Variants in LAMA2 observed in about 807,000 individuals in gnomAD.
LAMA2 encodes laminin subunit alpha-2.
A neutral mutation model predicts 364.8 loss-of-function variants in LAMA2; 269 were observed. That is an observed-to-expected ratio of 0.74 (90% CI 0.67 to 0.82). The LOEUF is 0.82. Ranked by LOEUF, LAMA2 falls within the 40% of genes least tolerant of loss-of-function variation. The pLI, the probability that LAMA2 is intolerant of heterozygous loss-of-function variation, is 0.00. For missense variants in LAMA2, 3,807 were observed against 3,873.2 expected (o/e 0.98, Z 0.45); for synonymous variants, 1,379 against 1,370.6 (o/e 1.01, Z -0.14).
At chr6:129,186,938 A>G (rs1781261910) in intron 10 of LAMA2, among the ~76,000 whole-genome samples, 1 of 151,816 alleles carries the variant, frequency 6.6e-6, no homozygotes, top group Non-Finnish European at 1.5e-5. Context: ...TGTCTTGTAT[A>G]TAGTAGTTCA....
At chr6:129,280,168 C>G in intron 18 of LAMA2, 21 bp downstream of exon 18, 1 of 1,455,520 alleles carries the variant, frequency 6.9e-7, no homozygotes, top group Non-Finnish European at 9.7e-7. Flanking sequence ...ACTACACTGT[C>G]TTGCAAAATG....
At chr6:129,115,120 A>G (rs1399107282) in intron 4 of LAMA2, among the ~76,000 whole-genome samples, 1 of 152,066 alleles carries the variant, frequency 6.6e-6, no homozygotes, top group Admixed American at 6.6e-5. Flanking sequence ...AAAACAACAC[A>G]GAAGCAAAAT....
intron 9 of LAMA2, among the ~76,000 whole-genome samples, chr6:129,168,848 T>G (rs1282599658): frequency 6.9e-6 from 1 of 144,040 alleles, no homozygotes; most frequent in Non-Finnish European, 1.5e-5. Flanking sequence ...CCTTGAGCAG[T>G]GGTTTGTAGT....
intron 3 of LAMA2, among the ~76,000 whole-genome samples, chr6:129,084,396 T>C (rs1486362794): frequency 1.3e-5 from 2 of 148,724 alleles, no homozygotes; most frequent in African/African-American, 5.0e-5. Flanking sequence ...GTCTGGTATA[T>C]TGTGTACTTT....
At chr6:129,478,600 G>A in intron 53 of LAMA2, 93 bp from the exon 54 acceptor site, 1 of 1,331,910 alleles carries the variant, frequency 7.5e-7, no homozygotes, top group Non-Finnish European at 1.1e-6. Flanking sequence ...GCCTGCATGT[G>A]TCTGCTCCAC....
intron 12 of LAMA2, among the ~76,000 whole-genome samples, chr6:129,227,961 T>A (rs1048398886): frequency 6.6e-6 from 1 of 152,176 alleles, no homozygotes; most frequent in Non-Finnish European, 1.5e-5. Flanking sequence ...ATCCTTGAGC[T>A]GCAGTGGGCT....
At chr6:129,414,620 T>C (rs1434114281) in intron 40 of LAMA2, among the ~76,000 whole-genome samples, 1 of 152,142 alleles carries the variant, frequency 6.6e-6, no homozygotes, top group Non-Finnish European at 1.5e-5. Flanking sequence ...ATAAAATCTG[T>C]TCTAAAATAA....
Position 129,143,926 on chromosome 6 carries a change from G to C in LAMA2, c.665G>C (p.Arg222Thr), listed in dbSNP as rs1267371641. 2 of 1,606,970 alleles carry C rather than the reference G, an allele frequency of 1.2e-6. No homozygotes were observed. Among genetic ancestry groups the C allele is most frequent in the Non-Finnish European group, 1.7e-6 (2 of 1,175,434 alleles). Reference sequence around the variant, plus strand: ...ATTCACATCTCTTTAATCAATGGGAGACCAAGTGCCGATGATCCTTCTCCA... The same window carrying C: ...ATTCACATCTCTTTAATCAATGGGACACCAAGTGCCGATGATCCTTCTCCA... ...GEIHISLING[R>T]PSADDPSPEL... is the part of the protein sequence containing the mutation. Residue 222 changes from arginine (R) to threonine (T), a missense_variant, in exon 5 of 65, where the codon AGA becomes ACA. Arg to Thr is a moderately conservative substitution (Grantham distance 71). Transcript: ENST00000421865.
intron 4 of LAMA2, among the ~76,000 whole-genome samples, chr6:129,130,669 G>T (rs1488800031): frequency 6.6e-6 from 1 of 152,190 alleles, no homozygotes; most frequent in Non-Finnish European, 1.5e-5. Flanking sequence ...AATATTCACT[G>T]GACTTACAGC....
rs538267529 is a variant in LAMA2 at position 129,436,511 on chromosome 6, T to A, written c.5969-2135T>A. 1.4e-4 allele frequency among the ~76,000 whole-genome samples: 21 copies of A among 152,312 alleles called. No individual in the cohort carries two copies. In the South Asian group the frequency reaches 3.7e-3, roughly 27 times the overall value. On this transcript the variant is annotated intron_variant, in intron 41 of 64. Coordinates refer to ENST00000421865, the MANE Select transcript of LAMA2 (RefSeq NM_000426.4). ...ATTTTTATTCCCCCCTCCTTTTTTT[T>A]ATTACAAATGAAGAGCTAATGAGTA...
In LAMA2 at chr6:129,342,399, T is replaced by C. The variant is rs758048573; in HGVS notation, c.4368T>C (p.Tyr1456=). ...GTGAACGATGTGCTCTTGGATACTA[T>C]GGAATTGTCAAGGGATTGCCAAATG... ...DFCERCALGY[Y]GIVKGLPNDC... Residue 1456 remains tyrosine (Y), a synonymous_variant, in exon 30 of 65, where the codon TAT becomes TAC. Transcript: ENST00000421865. 8 of 1,613,414 alleles carry C rather than the reference T, an allele frequency of 5.0e-6. No homozygotes were observed. In the East Asian group the frequency reaches 1.6e-4, roughly 31 times the overall value.
At chr6:129,275,239 AG>A (rs1788221222) in intron 17 of LAMA2, among the ~76,000 whole-genome samples, 1 of 152,004 alleles carries the variant, frequency 6.6e-6, no homozygotes, top group Non-Finnish European at 1.5e-5. Flanking sequence ...AGAATGCTCT[AG>A]ATGTTTTAGT....
chr6:129,132,914 A>C (rs1394295500), intron 4 of LAMA2, among the ~76,000 whole-genome samples: 1 of 152,238 alleles, frequency 6.6e-6, no homozygotes, highest in East Asian at 1.9e-4. Context: ...AAATTCACAC[A>C]GATAGTAAGT....
chr6:129,167,255 C>T (rs1057161464), intron 9 of LAMA2, among the ~76,000 whole-genome samples: 13 of 151,458 alleles, frequency 8.6e-5, no homozygotes, highest in African/African-American at 2.7e-4. Context: ...TGGTGCACTG[C>T]ACCCACTAAC....
intron 1 of LAMA2, among the ~76,000 whole-genome samples, chr6:128,917,708 TTC>T (rs1491018128): frequency 1.8e-5 from 2 of 110,080 alleles, no homozygotes; most frequent in African/African-American, 8.3e-5. Flanking sequence ...TCTTTTTTTT[TTC>T]TTTCTTTCTT....
At chr6:129,004,635 T>C (rs1196620555) in intron 1 of LAMA2, among the ~76,000 whole-genome samples, 1 of 152,144 alleles carries the variant, frequency 6.6e-6, no homozygotes, top group Non-Finnish European at 1.5e-5. Context: ...ATCAGTTGGG[T>C]AAATTGTAAA....
At chr6:129,070,329 G>T (rs1773229010) in intron 3 of LAMA2, among the ~76,000 whole-genome samples, 1 of 152,092 alleles carries the variant, frequency 6.6e-6, no homozygotes, top group Non-Finnish European at 1.5e-5. Flanking sequence ...GAATAAATGG[G>T]CTAAGTTGTA....
intron 22 of LAMA2, among the ~76,000 whole-genome samples, chr6:129,309,939 A>G (rs1442918663): frequency 1.2e-4 from 17 of 137,774 alleles, no homozygotes; most frequent in African/African-American, 4.0e-4. Context: ...TCGCTCTGTC[A>G]CCCAGGCTGG....
Position 129,267,355 on chromosome 6 carries a change from C to A in LAMA2, c.2322+136C>A, listed in dbSNP as rs150862292. The stretch of plus-strand genomic sequence containing the variant: ...CTTTGACAAAGATCTTTGTATTGAA[C>A]TGAATTGGAACTGAGAATGCTCTTT... On this transcript the variant is annotated intron_variant, in intron 16 of 64. Coordinates refer to ENST00000421865, the MANE Select transcript of LAMA2 (RefSeq NM_000426.4). 9.8e-4 allele frequency: 721 copies of A among 733,824 alleles called. 4 individuals are homozygous for A. In the African/African-American group the frequency reaches 0.011, roughly 11 times the overall value. The allele number at this position is 733,824 out of a possible 1,614,324, so 45.5% of individuals were successfully genotyped here.
Sources: allele counts gnomAD v4.1 joint callset (sites outside exome capture counted in the v4.1 genomes callset), GRCh38; gene constraint gnomAD v4.1.1; transcripts MANE v1.5; gene names NCBI Gene and HGNC (gene_info 2026-07-23, HGNC 2026-07-21).